IL1A: variants seen among roughly 807,000 people sequenced by gnomAD.
IL1A encodes interleukin-1 alpha.
IL1A carries 16 observed loss-of-function variants against 22.2 expected under a neutral mutation model. That is an observed-to-expected ratio of 0.72 (90% CI 0.49 to 1.09). The LOEUF (loss-of-function observed/expected upper bound fraction) is 1.09, where lower values mean the gene tolerates loss of function less well. Ranked by LOEUF, IL1A falls within the 50% of genes least tolerant of loss-of-function variation. IL1A has a pLI of 0.00. For synonymous variants in IL1A, 113 were observed against 118.5 expected, an observed-to-expected ratio of 0.95 and a Z score of 0.30; for missense variants, 317 against 321.8, an observed-to-expected ratio of 0.99 and a Z score of 0.11.
At chr2:112,779,783 A>G in intron 4 of IL1A, 117 bp from the exon 5 acceptor site, 1 of 575,952 alleles carries the variant, frequency 1.7e-6, no homozygotes, top group Non-Finnish European at 2.7e-6. Flanking sequence ...ATTCCAATCC[A>G]GATGAGGAAG....
In IL1A at chr2:112,780,618, A is replaced by G. The variant is rs3783538; in HGVS notation, c.320-952T>C. ...GCCATTGGGCAGTTTACCTATCTCA[A>G]TGAGCTTAGTTTCCTTTTATGTAAA... On this transcript the variant is annotated intron_variant, in intron 4 of 6. Transcript: ENST00000263339. 4.8e-3 allele frequency among the ~76,000 whole-genome samples: 733 copies of G among 152,346 alleles called. 1 individual carries two copies. The highest frequency in any genetic ancestry group is 8.2e-3 in the Non-Finnish European group (555 of 68,034).
chr2:112,778,682 T>C (rs184900962), intron 5 of IL1A, among the ~76,000 whole-genome samples: 5 of 152,334 alleles, frequency 3.3e-5, no homozygotes, highest in African/African-American at 9.6e-5. Context: ...TCAAGCTATT[T>C]AGAGTAAACC....
chr2:112,783,717 TC>T lies in IL1A; in HGVS notation c.47+6del, dbSNP rs1194719861. 6.2e-7 allele frequency: 1 copy of T among 1,611,634 alleles called. No individual in the cohort carries two copies. ...TTAAATCACAAGAGATAAATCTTAT[TC>T]CTTACCTGTAACAGTTCTTCAGGTC... On this transcript the variant is annotated splice_donor_region_variant and intron_variant, in intron 2 of 6. Coordinates refer to ENST00000263339, the MANE Select transcript of IL1A (RefSeq NM_000575.5).
chr2:112,781,568 T>C, intron 4 of IL1A, 36 bp downstream of exon 4: 1 of 1,532,758 alleles, frequency 6.5e-7, no homozygotes, highest in Non-Finnish European at 9.0e-7. Flanking sequence ...TGCTTAAAAC[T>C]GTAAAAGAAA....
chr2:112,774,898 A>G lies in IL1A; in HGVS notation c.*169T>C. ...AGGGTGTTCTTTAAATAACAACATT[A>G]TATGTTAGTGTTGGTTCCACTCTTA... On this transcript the variant is annotated 3_prime_UTR_variant, in exon 7 of 7. Transcript: ENST00000263339. 1 of 593,830 alleles carries G rather than the reference A, an allele frequency of 1.7e-6. No individual in the cohort carries two copies. Among genetic ancestry groups the G allele is most frequent in the Non-Finnish European group, 3.0e-6 (1 of 332,172 alleles). 36.8% of individuals were successfully genotyped at this position (593,830 alleles called of 1,614,324 possible). A position where few individuals can be genotyped will look rare whatever the true frequency, so the allele number is the denominator to read the frequency against.
chr2:112,779,645 G>T lies in IL1A; in HGVS notation c.341C>A (p.Ala114Glu), dbSNP rs2104908452. 1 of 1,606,260 alleles carries T rather than the reference G, an allele frequency of 6.2e-7. No homozygotes were observed. Among genetic ancestry groups the T allele is most frequent in the Non-Finnish European group, 8.5e-7 (1 of 1,173,596 alleles). ...SEEEIIKPRS[A>E]PFSFLSNVKY... Reference sequence around the variant, plus strand: ...CACATTGCTCAGGAAGCTAAAAGGTGCTGACCTAGGCTTGATGATTTCTAA... The same window carrying T: ...CACATTGCTCAGGAAGCTAAAAGGTTCTGACCTAGGCTTGATGATTTCTAA... The change falls in exon 5 of 7, where the codon GCA (alanine) becomes GAA (glutamate). Residue 114 changes from alanine to glutamate, a missense_variant. By Grantham distance (107) the Ala-to-Glu change is moderately radical (BLOSUM62 -1). Transcript: ENST00000263339.
intron 3 of IL1A, among the ~76,000 whole-genome samples, 192 bp from the exon 4 acceptor site, chr2:112,782,018 A>T (rs1681217119): frequency 3.3e-5 from 5 of 151,986 alleles, no homozygotes; most frequent in Admixed American, 2.6e-4. Context: ...GGATAAAAAG[A>T]TGATTTTTTT....
Position 112,776,311 on chromosome 2 carries a change from C to G in IL1A, c.616-1044G>C, listed in dbSNP as rs906594998. Among the ~76,000 whole-genome samples the G allele has an allele frequency of 7.2e-5, 11 of 152,216 alleles. No homozygotes were observed. In the South Asian group the frequency reaches 1.2e-3, roughly 17 times the overall value. The stretch of plus-strand genomic sequence containing the variant: ...CAAGCTCTGCAAGCACTAGTCTCTG[C>G]ATATTTTTCCTCCTTCTCAAAATGC... On this transcript the variant is annotated intron_variant, in intron 6 of 6. Coordinates refer to ENST00000263339, the MANE Select transcript of IL1A (RefSeq NM_000575.5).
Position 112,774,115 on chromosome 2 carries a change from G to C in IL1A, c.*952C>G, listed in dbSNP as rs1681054481. 1 of 136,588 alleles carries C rather than the reference G, an allele frequency of 7.3e-6. No homozygotes were observed. Among genetic ancestry groups the C allele is most frequent in the Admixed American group, 7.5e-5 (1 of 13,398 alleles). The allele number at this position is 136,588 out of a possible 1,614,324, so 8.5% of individuals were successfully genotyped here. A position where few individuals can be genotyped will look rare whatever the true frequency, so the allele number is the denominator to read the frequency against. ...AGTTGAGTTCATCTAATTTTAGCTT[G>C]TAGGACTTGATTGCAGGTGGAATTG... On this transcript the variant is annotated 3_prime_UTR_variant, in exon 7 of 7. Coordinates refer to ENST00000263339, the MANE Select transcript of IL1A (RefSeq NM_000575.5).
chr2:112,775,283 G>T lies in IL1A; in HGVS notation c.616-16C>A. On this transcript the variant is annotated splice_polypyrimidine_tract_variant and intron_variant, in intron 6 of 6. Transcript: ENST00000263339. The stretch of plus-strand genomic sequence containing the variant: ...CAGGCATCTCCTATGAAGAAAAGAA[G>T]AGAATTCTGTTAGAGAACAAGATGG... 1 of 1,601,610 alleles carries T rather than the reference G, an allele frequency of 6.2e-7. No individual in the cohort carries two copies. The highest frequency in any genetic ancestry group is 1.1e-5 in the South Asian group (1 of 90,764).
Position 112,783,731 on chromosome 2 carries a change from A to C in IL1A, c.40T>G (p.Cys14Gly), listed in dbSNP as rs753418375. ...VPDMFEDLKN[C>G]YSENEEDSSS... ...ATAAATCTTATTCCTTACCTGTAAC[A>C]GTTCTTCAGGTCTTCAAACATGTCT... Residue 14 changes from cysteine to glycine, a missense_variant, in exon 2 of 7, where the codon TGT becomes GGT. Physicochemically the swap from Cys to Gly is radical, Grantham distance 159 (BLOSUM62 -3). Coordinates refer to ENST00000263339, the MANE Select transcript of IL1A (RefSeq NM_000575.5). 2.5e-6 allele frequency: 4 copies of C among 1,613,496 alleles called. No individual in the cohort carries two copies.
intron 5 of IL1A, 101 bp from the exon 6 acceptor site, chr2:112,778,212 G>T (rs1283155549): frequency 1.1e-6 from 1 of 894,692 alleles, no homozygotes; most frequent in African/African-American, 1.7e-5. Flanking sequence ...GTGTGTGTGT[G>T]TGTGTGTGTG....
chr2:112,778,863 A>G (rs114740882), intron 5 of IL1A, among the ~76,000 whole-genome samples: 203 of 152,358 alleles, frequency 1.3e-3, no homozygotes, highest in African/African-American at 4.5e-3. Context: ...AGTGCATCCA[A>G]TCAGAAAAAG....
In IL1A at chr2:112,782,567, G is replaced by A. The variant is rs3783574; in HGVS notation, c.96+149C>T. On this transcript the variant is annotated intron_variant, in intron 3 of 6. Transcript: ENST00000263339. ...CAACTATTAGTTTAGAGAGGCAGCT[G>A]GTCTCACTTATAATGAAAGACAGGT... is the stretch of plus-strand genomic sequence containing the variant. 7.1e-3 allele frequency: 4,405 copies of A among 620,922 alleles called. 152 individuals carry two copies. The African/African-American group carries it at 0.073, about 10-fold the overall frequency. The allele number at this position is 620,922 out of a possible 1,614,324, so 38.5% of individuals were successfully genotyped here. A position where few individuals can be genotyped will look rare whatever the true frequency, so the allele number is the denominator to read the frequency against.
chr2:112,782,365 G>A (rs968527442), intron 3 of IL1A, among the ~76,000 whole-genome samples: 1 of 152,190 alleles, frequency 6.6e-6, no homozygotes, highest in African/African-American at 2.4e-5. Context: ...TCTGATGCTG[G>A]TGTCAGAGAA....
intron 5 of IL1A, 70 bp from the exon 6 acceptor site, chr2:112,778,181 TTGTG>T (rs1398559162): frequency 7.7e-7 from 1 of 1,292,074 alleles, no homozygotes; most frequent in Non-Finnish European, 1.1e-6. Flanking sequence ...TTGATGTAGA[TTGTG>T]TGTGCATGGT....
At chr2:112,775,948 A>G (rs1681095540) in intron 6 of IL1A, among the ~76,000 whole-genome samples, 1 of 152,204 alleles carries the variant, frequency 6.6e-6, no homozygotes, top group Non-Finnish European at 1.5e-5. Flanking sequence ...GCAAGTAAAT[A>G]TACTTTTGAG....
chr2:112,782,387 C>T lies in IL1A; in HGVS notation c.96+329G>A, dbSNP rs1255674164. 2.0e-5 allele frequency among the ~76,000 whole-genome samples: 3 copies of T among 152,318 alleles called. No homozygotes were observed. The East Asian group carries it at 5.8e-4, about 29-fold the overall frequency. Reference sequence around the variant, plus strand: ...CTGGTGTCAGAGAAGACAACCACAACACATCACGTTAGGAGACAGACACCT... The same window carrying T: ...CTGGTGTCAGAGAAGACAACCACAATACATCACGTTAGGAGACAGACACCT... On this transcript the variant is annotated intron_variant, in intron 3 of 6. Transcript: ENST00000263339.
intron 3 of IL1A, among the ~76,000 whole-genome samples, chr2:112,782,427 C>CG (rs781387418): frequency 2.0e-5 from 3 of 152,212 alleles, no homozygotes; most frequent in Non-Finnish European, 4.4e-5. Context: ...AAGCGGCCTG[C>CG]GGGGCCTTTC....
Sources: gnomAD v4.1 joint callset for allele counts (sites outside exome capture counted in the v4.1 genomes callset) on GRCh38, gnomAD v4.1.1 for gene constraint, MANE v1.5 for transcripts, NCBI Gene and HGNC (gene_info 2026-07-23, HGNC 2026-07-21) for gene names.